The following CMYA5 variants were observed in gnomAD, a reference collection of about 807,000 sequenced individuals.
CMYA5 encodes the protein cardiomyopathy-associated protein 5.
Under a neutral mutation model 318.9 loss-of-function variants are expected in CMYA5, and 246 were observed. The observed-to-expected ratio is 0.77, with a 90% CI of 0.70 to 0.86. The LOEUF is 0.86. CMYA5 is among the 40% of genes least tolerant of loss of function. The pLI is 0.00. For missense variants in CMYA5, 4,589 were observed against 4,678.2 expected, an observed-to-expected ratio of 0.98 and a Z score of 0.56; for synonymous variants, 1,641 against 1,729.5, an observed-to-expected ratio of 0.95 and a Z score of 1.27.
At position 79,736,584 on chromosome 5, in the gene CMYA5, C is replaced by T. The variant is rs1487734973; in HGVS notation, c.7819C>T (p.Pro2607Ser). 1 of 1,613,700 alleles carries T rather than the reference C, an allele frequency of 6.2e-7. No individual in the cohort carries two copies. Among genetic ancestry groups the T allele is most frequent in the Admixed American group, 1.7e-5 (1 of 59,950 alleles). Residue 2607 changes from proline (P) to serine (S), a missense_variant, in exon 2 of 13, where the codon CCA (proline) becomes TCA (serine). This residue lies in a region of CMYA5 where 2,431 missense variants were observed against 2,495.1 expected (regional missense o/e 0.97). Coordinates refer to ENST00000446378, the MANE Select transcript of CMYA5 (RefSeq NM_153610.5). ...KSEAMLAEAH[P>S]EIREAKAVGT... ...AGAAGCCATGCTCGCAGAGGCTCAC[C>T]CAGAAATCAGAGAAGCAAAGGCAGT...
chr5:79,741,457 A>C, intron 2 of CMYA5, among the ~76,000 whole-genome samples: 1 of 152,202 alleles, frequency 6.6e-6, no homozygotes, highest in East Asian at 1.9e-4. Context: ...ATTTTGATTC[A>C]ACAGATAACA....
chr5:79,764,365 G>T (rs1187992944), intron 9 of CMYA5, among the ~76,000 whole-genome samples: 3 of 152,124 alleles, frequency 2.0e-5, no homozygotes, highest in Non-Finnish European at 4.4e-5. Flanking sequence ...GTATTTCGTG[G>T]TATATAAGTG....
At chr5:79,710,936 A>C (rs1470429496) in intron 1 of CMYA5, among the ~76,000 whole-genome samples, 2 of 152,180 alleles carry the variant, frequency 1.3e-5, no homozygotes, top group African/African-American at 2.4e-5. Flanking sequence ...GAAGAGATGT[A>C]AGTGCTATAG....
At chr5:79,703,820 C>T (rs1190056840) in intron 1 of CMYA5, among the ~76,000 whole-genome samples, 4 of 152,204 alleles carry the variant, frequency 2.6e-5, no homozygotes, top group Non-Finnish European at 5.9e-5. Context: ...GGGCCGGGAA[C>T]AGTGGCACAT....
intron 6 of CMYA5, 74 bp from the exon 7 acceptor site, chr5:79,758,679 C>T (rs986586307): frequency 7.2e-6 from 9 of 1,251,340 alleles, no homozygotes; most frequent in Non-Finnish European, 8.6e-6. Context: ...TATTTTTCAA[C>T]AAGCATAAGT....
intron 5 of CMYA5, among the ~76,000 whole-genome samples, chr5:79,749,134 C>T (rs1244439397): frequency 1.3e-5 from 2 of 152,072 alleles, no homozygotes; most frequent in Admixed American, 1.3e-4. Flanking sequence ...ATTTCATTGT[C>T]CAGTTGACAG....
Position 79,706,520 on chromosome 5 carries a change from A to C in CMYA5, c.149+16464A>C, listed in dbSNP as rs578108032. On this transcript the variant is annotated intron_variant, in intron 1 of 12. Transcript: ENST00000446378. ...CAGAACGGAGTACGCCTTAACCCTAAAGAGGCCTAGAAGAGTCATGGCAAG... is the reference window on the plus strand; with the variant it reads ...CAGAACGGAGTACGCCTTAACCCTACAGAGGCCTAGAAGAGTCATGGCAAG... Among the ~76,000 whole-genome samples, 3 of 152,280 alleles carry C rather than the reference A, an allele frequency of 2.0e-5. No homozygotes were observed. The South Asian group carries it at 6.2e-4, about 32-fold the overall frequency.
In CMYA5 at chr5:79,735,140, A is replaced by G; in HGVS notation, c.6375A>G (p.Glu2125=). 1 of 1,613,726 alleles carries G rather than the reference A, an allele frequency of 6.2e-7. No individual in the cohort carries two copies. The highest frequency in any genetic ancestry group is 8.5e-7 in the Non-Finnish European group (1 of 1,179,762). Residue 2125 remains glutamate, a synonymous_variant, in exon 2 of 13, where the codon GAA becomes GAG. Coordinates refer to ENST00000446378, the MANE Select transcript of CMYA5 (RefSeq NM_153610.5). ...ATGAGGGAAAGAAACCATCACCTGA[A>G]GTAAAAATACCCACACAAAGAAAAC... The part of the protein sequence containing the change: ...DADEGKKPSP[E]VKIPTQRKPI...
intron 9 of CMYA5, among the ~76,000 whole-genome samples, chr5:79,775,426 C>T (rs917572366): frequency 3.9e-5 from 6 of 152,036 alleles, no homozygotes; most frequent in Non-Finnish European, 7.4e-5. Flanking sequence ...CCTGTGAGAA[C>T]AAGAGCCAAA....
In CMYA5 at chr5:79,737,515, C is replaced by G; in HGVS notation, c.8750C>G (p.Pro2917Arg). The G allele has an allele frequency of 6.2e-7, 1 of 1,613,490 alleles. No homozygotes were observed. Among genetic ancestry groups the G allele is most frequent in the Non-Finnish European group, 8.5e-7 (1 of 1,179,738 alleles). ...MVSNKEMPKEPEDTYAKGEDF... is the reference protein window; with the variant it reads ...MVSNKEMPKEREDTYAKGEDF... ...TCTAATAAAGAAATGCCCAAGGAAC[C>G]TGAAGACACATATGCAAAAGGTGAA... The change falls in exon 2 of 13, where the codon CCT (proline) becomes CGT (arginine). Residue 2917 changes from proline (P) to arginine (R), a missense_variant. Physicochemically the swap from Pro to Arg is moderately radical, Grantham distance 103. Around this residue, in one of 3 missense-constraint regions of CMYA5, gnomAD observed 2,431 missense variants for 2,495.1 expected, o/e 0.97. Coordinates refer to ENST00000446378, the MANE Select transcript of CMYA5 (RefSeq NM_153610.5).
chr5:79,730,172 C>T lies in CMYA5; in HGVS notation c.1407C>T (p.Val469=). ...DLTSIERAEP[V]SAKLTPTHPS... is the part of the protein sequence containing the mutation. ...CTTCAATAGAAAGGGCAGAACCAGT[C>T]TCCGCAAAACTGACCCCTACCCATC... The change falls in exon 2 of 13, where the codon GTC becomes GTT. Residue 469 remains valine, a synonymous_variant. Transcript: ENST00000446378. 6.2e-7 allele frequency: 1 copy of T among 1,613,924 alleles called. No individual in the cohort carries two copies. The highest frequency in any genetic ancestry group is 8.5e-7 in the Non-Finnish European group (1 of 1,179,880).
At chr5:79,784,873 G>A (rs931496178) in intron 9 of CMYA5, among the ~76,000 whole-genome samples, 7 of 151,654 alleles carry the variant, frequency 4.6e-5, no homozygotes, top group African/African-American at 1.7e-4. Flanking sequence ...GAAATCACCC[G>A]TCTTCTGCGT....
intron 1 of CMYA5, among the ~76,000 whole-genome samples, chr5:79,706,133 G>A (rs1225344698): frequency 6.6e-6 from 1 of 152,092 alleles, no homozygotes; most frequent in African/African-American, 2.4e-5. Flanking sequence ...ACCGCCTTCT[G>A]GTCCTGCGAT....
intron 2 of CMYA5, among the ~76,000 whole-genome samples, chr5:79,741,898 A>G (rs1407761264): frequency 6.6e-6 from 1 of 152,056 alleles, no homozygotes; most frequent in African/African-American, 2.4e-5. Context: ...ACAGTATGAG[A>G]AGGAGAAGGT....
chr5:79,749,268 T>G (rs1361035178), intron 5 of CMYA5, among the ~76,000 whole-genome samples: 1 of 152,194 alleles, frequency 6.6e-6, no homozygotes, highest in Non-Finnish European at 1.5e-5. Context: ...GATGAACAAT[T>G]AAAGAAACCG....
chr5:79,789,802 A>G (rs1277946262), intron 10 of CMYA5, among the ~76,000 whole-genome samples: 1 of 152,058 alleles, frequency 6.6e-6, no homozygotes, highest in Non-Finnish European at 1.5e-5. Flanking sequence ...TAGGTTGGGG[A>G]TATTCTTTGA....
At chr5:79,745,481 AACACC>A in intron 4 of CMYA5, 26 bp downstream of exon 4, 2 of 1,510,202 alleles carry the variant, frequency 1.3e-6, no homozygotes, top group Non-Finnish European at 1.8e-6. Flanking sequence ...AATGGGCTCA[AACACC>A]TTGCGCCCAC....
chr5:79,729,059 A>C lies in CMYA5; in HGVS notation c.294A>C (p.Ser98=). ...GTAGATCTTCTACTCCTTGGGCTTC[A>C]GAAGAAAGTCAGACTTCTGGTGTGT... ...NSSRSSTPWA[S]EESQTSGVCS... is the part of the protein sequence containing the mutation. Residue 98 remains serine (S), a synonymous_variant, in exon 2 of 13, where the codon TCA becomes TCC. Coordinates refer to ENST00000446378, the MANE Select transcript of CMYA5 (RefSeq NM_153610.5). 6.2e-7 allele frequency: 1 copy of C among 1,613,994 alleles called. No homozygotes were observed. Among genetic ancestry groups the C allele is most frequent in the South Asian group, 1.1e-5 (1 of 91,082 alleles).
At position 79,738,551 on chromosome 5, in the gene CMYA5, G is replaced by A; in HGVS notation, c.9786G>A (p.Leu3262=). The change falls in exon 2 of 13, where the codon CTG becomes CTA. Residue 3262 remains leucine, a synonymous_variant. Transcript: ENST00000446378. ...SLTQKDQGQG[L]EEKRVGKDDS... ...CTCAAAAGGACCAGGGCCAAGGTCT[G>A]GAAGAAAAACGAGTTGGTAAGGATG... The A allele has an allele frequency of 6.2e-7, 1 of 1,613,444 alleles. No homozygotes were observed. The highest frequency in any genetic ancestry group is 8.5e-7 in the Non-Finnish European group (1 of 1,179,860).
Sources: allele counts gnomAD v4.1 joint callset (sites outside exome capture counted in the v4.1 genomes callset), GRCh38; gene constraint gnomAD v4.1.1; regional missense constraint gnomAD v4.1.1; transcripts MANE v1.5; gene names NCBI Gene and HGNC (gene_info 2026-07-23, HGNC 2026-07-21).